The following ARID3B variants were observed in gnomAD, a reference collection of about 807,000 sequenced individuals.
The protein encoded by ARID3B is AT-rich interaction domain 3B.
ARID3B carries 10 observed loss-of-function variants against 51.9 expected under a neutral mutation model. That is an observed-to-expected ratio of 0.19 (90% CI 0.12 to 0.33). The LOEUF is 0.33. Among genes scored for constraint, ARID3B ranks in the 10% least tolerant of loss-of-function variants. ARID3B has a pLI of 1.00. For synonymous variants in ARID3B, 205 were observed against 279.5 expected (o/e 0.73, Z 2.66); for missense variants, 483 against 716.3 (o/e 0.67, Z 3.72).
At chr15:74,586,082 G>A (rs965880744) in intron 4 of ARID3B, among the ~76,000 whole-genome samples, 5 of 152,220 alleles carry the variant, frequency 3.3e-5, no homozygotes, top group Non-Finnish European at 7.3e-5. Flanking sequence ...TGCCTGATCA[G>A]GGCATGGGGG....
chr15:74,565,396 G>A (rs1052627328), intron 2 of ARID3B, among the ~76,000 whole-genome samples: 2 of 152,170 alleles, frequency 1.3e-5, no homozygotes, highest in African/African-American at 4.8e-5. Flanking sequence ...AAAGTTGTCA[G>A]TATGCACAAT....
chr15:74,591,960 A>G lies in ARID3B; in HGVS notation c.1420+146A>G. 7.5e-7 allele frequency: 1 copy of G among 1,327,790 alleles called. No homozygotes were observed. Among genetic ancestry groups the G allele is most frequent in the East Asian group, 2.4e-5 (1 of 41,584 alleles). The allele number at this position is 1,327,790 out of a possible 1,614,324, so 82.3% of individuals were successfully genotyped here. The stretch of plus-strand genomic sequence containing the variant: ...AGGTTCTGCCTTCCAGGCCCCTAGA[A>G]GAGAGGCACTGAGATCTTAGTTCAC... On this transcript the variant is annotated intron_variant, in intron 7 of 8. Transcript: ENST00000346246. The surrounding 1 kb of genome is among the most constrained non-coding windows in gnomAD (Gnocchi z 5.8).
chr15:74,552,691 T>C (rs918367747), intron 2 of ARID3B, among the ~76,000 whole-genome samples: 2 of 152,152 alleles, frequency 1.3e-5, no homozygotes, highest in African/African-American at 4.8e-5. Flanking sequence ...GGATCATTAA[T>C]GTAGCCTTTT....
At chr15:74,595,573 T>C (rs1457692527) in intron 8 of ARID3B, 38 bp from the exon 9 acceptor site, 8 of 1,598,846 alleles carry the variant, frequency 5.0e-6, no homozygotes, top group Non-Finnish European at 6.8e-6. Flanking sequence ...CCCTTCGCTC[T>C]TCCTCTGCCC....
At chr15:74,554,847 T>C (rs1423217343) in intron 2 of ARID3B, among the ~76,000 whole-genome samples, 2 of 152,172 alleles carry the variant, frequency 1.3e-5, no homozygotes, top group Non-Finnish European at 2.9e-5. Flanking sequence ...AATAAAGCAA[T>C]ATTGCAATAA....
intron 8 of ARID3B, 79 bp downstream of exon 8, chr15:74,593,315 T>A: frequency 7.4e-7 from 1 of 1,350,476 alleles, no homozygotes; most frequent in Non-Finnish European, 1.0e-6. Flanking sequence ...CCCTGCCTCT[T>A]ACCCTCTGTC....
intron 4 of ARID3B, among the ~76,000 whole-genome samples, chr15:74,582,767 A>G (rs1234986213): frequency 6.6e-6 from 1 of 152,206 alleles, no homozygotes; most frequent in Non-Finnish European, 1.5e-5. Context: ...TCACTGAAAG[A>G]TACAGGTAAG....
chr15:74,546,224 A>G (rs554728628), intron 2 of ARID3B, among the ~76,000 whole-genome samples: 5 of 151,730 alleles, frequency 3.3e-5, no homozygotes, highest in African/African-American at 1.2e-4. Context: ...GCTTTGGTTT[A>G]GCAAAACATC....
chr15:74,573,290 C>T (rs766131173), intron 4 of ARID3B, 86 bp downstream of exon 4: 50 of 1,396,380 alleles, frequency 3.6e-5, no homozygotes, highest in Non-Finnish European at 4.8e-5. Context: ...ACATCCTGGC[C>T]CACTAATCCT....
At chr15:74,558,178 C>CT (rs1208034661) in intron 2 of ARID3B, among the ~76,000 whole-genome samples, 35,739 of 104,446 alleles carry the variant, frequency 0.34, 7,589 homozygotes, top group African/African-American at 0.57. Flanking sequence ...TGGTTTGTGT[C>CT]TTTTTTTTTT....
rs570685039 is a variant in ARID3B at position 74,541,792 on chromosome 15, G to C, written c.-78+462G>C. Among the ~76,000 whole-genome samples the C allele has an allele frequency of 7.8e-4, 119 of 152,252 alleles. 2 individuals are homozygous for C. In the South Asian group the frequency reaches 9.5e-3, roughly 12 times the overall value. On this transcript the variant is annotated intron_variant, in intron 1 of 8. Coordinates refer to ENST00000346246, the MANE Select transcript of ARID3B (RefSeq NM_006465.4). ...AAGCAGGGGAATGGTCAGCAGGCCGGGTTCAAAGCTGCAGGTAGTCCGTTG... is the reference window on the plus strand; with the variant it reads ...AAGCAGGGGAATGGTCAGCAGGCCGCGTTCAAAGCTGCAGGTAGTCCGTTG...
rs2061829779 is a variant in ARID3B at position 74,597,126 on chromosome 15, G to C, written c.*1352G>C. 1 of 246,690 alleles carries C rather than the reference G, an allele frequency of 4.1e-6. No individual in the cohort carries two copies. Among genetic ancestry groups the C allele is most frequent in the South Asian group, 1.2e-4 (1 of 8,346 alleles). The allele number at this position is 246,690 out of a possible 1,614,324, so 15.3% of individuals were successfully genotyped here. Reference sequence around the variant, plus strand: ...TCCCAGCTCAGGGCACAGGCAGGCTGGGGTCCTCGCTGGCCTTGCCAGAGG... The same window carrying C: ...TCCCAGCTCAGGGCACAGGCAGGCTCGGGTCCTCGCTGGCCTTGCCAGAGG... On this transcript the variant is annotated 3_prime_UTR_variant, in exon 9 of 9. Coordinates refer to ENST00000346246, the MANE Select transcript of ARID3B (RefSeq NM_006465.4).
chr15:74,589,596 A>G (rs760459886), intron 4 of ARID3B, among the ~76,000 whole-genome samples: 3 of 152,214 alleles, frequency 2.0e-5, no homozygotes, highest in Non-Finnish European at 4.4e-5. Flanking sequence ...ACGGCAAAAC[A>G]GAACCAGAGA....
intron 2 of ARID3B, among the ~76,000 whole-genome samples, chr15:74,558,292 T>A (rs1383000113): frequency 6.6e-6 from 1 of 151,856 alleles, no homozygotes; most frequent in Non-Finnish European, 1.5e-5. Context: ...ATCTTATGTA[T>A]TTATATCATT....
At chr15:74,556,980 T>C (rs1243677196) in intron 2 of ARID3B, among the ~76,000 whole-genome samples, 1 of 151,926 alleles carries the variant, frequency 6.6e-6, no homozygotes, top group Non-Finnish European at 1.5e-5. Context: ...TTTCACCATA[T>C]TGGCCAGGCT....
At chr15:74,562,538 A>T (rs1451898585) in intron 2 of ARID3B, among the ~76,000 whole-genome samples, 1 of 152,096 alleles carries the variant, frequency 6.6e-6, no homozygotes, top group Admixed American at 6.5e-5. Context: ...CCCGGGGGGA[A>T]TGCAGTGGTG....
At chr15:74,566,858 T>G (rs1273074482) in intron 2 of ARID3B, among the ~76,000 whole-genome samples, 3 of 152,242 alleles carry the variant, frequency 2.0e-5, no homozygotes, top group Non-Finnish European at 4.4e-5. Context: ...TGATCATCTG[T>G]CTTGTTCCTT....
At chr15:74,588,707 C>G (rs900077755) in intron 4 of ARID3B, among the ~76,000 whole-genome samples, 2 of 152,094 alleles carry the variant, frequency 1.3e-5, no homozygotes, top group African/African-American at 4.8e-5. Context: ...AAAGGACTTG[C>G]CCCGCCCTCA....
intron 2 of ARID3B, among the ~76,000 whole-genome samples, chr15:74,554,419 C>G (rs12442013): frequency 0.25 from 37,768 of 152,042 alleles, 6,328 homozygotes; most frequent in East Asian, 0.55. Context: ...CCTCCCGCCT[C>G]AGCCTCCCAA....
Sources: allele counts gnomAD v4.1 joint callset (sites outside exome capture counted in the v4.1 genomes callset), GRCh38; gene constraint gnomAD v4.1.1; non-coding constraint Gnocchi (gnomAD v3.1); transcripts MANE v1.5; gene names NCBI Gene and HGNC (gene_info 2026-07-23, HGNC 2026-07-21).